PFKFB4: variants seen among roughly 807,000 people sequenced by gnomAD.
The protein encoded by PFKFB4 is 6-phosphofructo-2-kinase/fructose-2,6-bisphosphatase 4.
Under a neutral mutation model 62.8 loss-of-function variants are expected in PFKFB4, and 42 were observed. The ratio of observed to expected loss-of-function variants is 0.67; its 90% CI spans 0.52 to 0.86. The LOEUF is 0.86. PFKFB4 is among the 40% of genes least tolerant of loss of function. The pLI is 0.00. For synonymous variants in PFKFB4, 204 were observed against 240.7 expected (o/e 0.85, Z 1.41); for missense variants, 475 against 627.2 (o/e 0.76, Z 2.59).
chr3:48,557,395 C>T (rs1450123290), upstream of PFKFB4, among the ~76,000 whole-genome samples: 1 of 152,248 alleles, frequency 6.6e-6, no homozygotes, highest in East Asian at 1.9e-4. Context: ...CCCTTGACTG[C>T]TCCGAGCCCC....
chr3:48,530,700 G>C (rs868020482), intron 9 of PFKFB4, among the ~76,000 whole-genome samples: 38 of 152,190 alleles, frequency 2.5e-4, no homozygotes, highest in African/African-American at 8.7e-4. Context: ...GTTTTGTTTT[G>C]TTTTGTTTTC....
chr3:48,527,281 TG>T (rs2107478479), intron 9 of PFKFB4, among the ~76,000 whole-genome samples: 1 of 146,532 alleles, frequency 6.8e-6, no homozygotes, highest in Admixed American at 6.8e-5. Flanking sequence ...TAACATTTAG[TG>T]GTTTTTTTTT....
chr3:48,555,602 G>C (rs931482439), intron 1 of PFKFB4, among the ~76,000 whole-genome samples: 1 of 152,070 alleles, frequency 6.6e-6, no homozygotes, highest in Non-Finnish European at 1.5e-5. Flanking sequence ...TTCTTTTCCT[G>C]GTAATAAAAA....
intron 3 of PFKFB4, 95 bp from the exon 4 acceptor site, chr3:48,543,741 A>C (rs1275071901): frequency 1.1e-6 from 1 of 897,896 alleles, no homozygotes; most frequent in African/African-American, 1.6e-5. Flanking sequence ...TGACAGGAGA[A>C]GGAACAGCCC....
In PFKFB4 at chr3:48,529,668, T is replaced by C. The variant is rs551585100; in HGVS notation, c.988-3999A>G. The stretch of plus-strand genomic sequence containing the variant: ...TGAGCTACAAAATGAGTTATAAAAA[T>C]TGCTTACTTTTTTGAAAGAGATTAT... On this transcript the variant is annotated intron_variant, in intron 9 of 13. Coordinates refer to ENST00000232375, the MANE Select transcript of PFKFB4 (RefSeq NM_004567.4). 2.6e-4 allele frequency among the ~76,000 whole-genome samples: 39 copies of C among 152,254 alleles called. 1 individual carries two copies. Among genetic ancestry groups the C allele is most frequent in the Admixed American group, 2.0e-4 (3 of 15,288 alleles).
intron 7 of PFKFB4, chr3:48,536,801 C>A: frequency 3.2e-6 from 1 of 313,712 alleles, no homozygotes; most frequent in Non-Finnish European, 6.1e-6. Flanking sequence ...TGGCCTATCT[C>A]CGCACTCTCA....
chr3:48,546,189 C>T (rs759687450), intron 3 of PFKFB4, among the ~76,000 whole-genome samples: 13 of 152,142 alleles, frequency 8.5e-5, no homozygotes. Context: ...CAGGTGCACA[C>T]ACACGAGCGT....
intron 13 of PFKFB4, among the ~76,000 whole-genome samples, chr3:48,520,362 C>T (rs2107437529): frequency 6.6e-6 from 1 of 152,312 alleles, no homozygotes; most frequent in South Asian, 2.1e-4. Context: ...CCATCCTTGG[C>T]CTGTCGGGCT....
chr3:48,536,545 G>T, intron 7 of PFKFB4, 82 bp from the exon 8 acceptor site: 2 of 1,100,828 alleles, frequency 1.8e-6, no homozygotes, highest in African/African-American at 1.5e-5. Context: ...ACGGAATCTA[G>T]CTGCGAGGCC....
At chr3:48,539,182 G>A in intron 6 of PFKFB4, 72 bp downstream of exon 6, 1 of 1,194,210 alleles carries the variant, frequency 8.4e-7, no homozygotes, top group South Asian at 1.2e-5. Context: ...ATCAAATTAA[G>A]GTTAGCCAAA....
chr3:48,537,186 C>T (rs2042648167), intron 7 of PFKFB4, among the ~76,000 whole-genome samples: 1 of 152,184 alleles, frequency 6.6e-6, no homozygotes, highest in Admixed American at 6.5e-5. Context: ...GGCTGAGAGT[C>T]CTCTGGATAT....
intron 1 of PFKFB4, among the ~76,000 whole-genome samples, chr3:48,551,214 C>CT (rs773561800): frequency 0.022 from 2,908 of 135,058 alleles, 35 homozygotes; most frequent in Middle Eastern, 0.028. Context: ...GCTCACTTTT[C>CT]TTTTTTTTTT....
At chr3:48,527,166 T>G (rs1188421506) in intron 9 of PFKFB4, among the ~76,000 whole-genome samples, 1 of 152,110 alleles carries the variant, frequency 6.6e-6, no homozygotes, top group Non-Finnish European at 1.5e-5. Flanking sequence ...GATTTCAGAC[T>G]TCTAGCCTCC....
At chr3:48,525,215 C>T (rs773701626) in intron 10 of PFKFB4, among the ~76,000 whole-genome samples, 17 of 152,132 alleles carry the variant, frequency 1.1e-4, no homozygotes, top group Non-Finnish European at 2.4e-4. Context: ...CTACAGGGGT[C>T]CCAGGAAAGC....
At chr3:48,545,350 C>T (rs1397336856) in intron 3 of PFKFB4, among the ~76,000 whole-genome samples, 2 of 152,192 alleles carry the variant, frequency 1.3e-5, no homozygotes, top group Admixed American at 6.5e-5. Context: ...CCATGTGGGT[C>T]TTGAACTCCT....
At chr3:48,531,119 C>G (rs1434341379) in intron 9 of PFKFB4, among the ~76,000 whole-genome samples, 1 of 152,130 alleles carries the variant, frequency 6.6e-6, no homozygotes, top group East Asian at 1.9e-4. Context: ...GTAATCCCAG[C>G]ACTTTGGGAG....
intron 1 of PFKFB4, among the ~76,000 whole-genome samples, chr3:48,551,297 C>T (rs2043140632): frequency 1.3e-5 from 2 of 150,026 alleles, no homozygotes; most frequent in African/African-American, 4.9e-5. Flanking sequence ...CTCACTGCAA[C>T]CTCTGCCTCC....
chr3:48,529,333 T>C (rs547941495), intron 9 of PFKFB4, among the ~76,000 whole-genome samples: 12 of 152,246 alleles, frequency 7.9e-5, no homozygotes, highest in African/African-American at 2.4e-4. Context: ...AATGTTGGAA[T>C]AGAAGACAAG....
upstream of PFKFB4, among the ~76,000 whole-genome samples, chr3:48,557,785 C>G (rs2043366883): frequency 1.3e-5 from 2 of 152,204 alleles, no homozygotes; most frequent in African/African-American, 4.8e-5. Context: ...GATACGCCCT[C>G]CTCAGCCTTC....
Sources: allele counts gnomAD v4.1 joint callset (sites outside exome capture counted in the v4.1 genomes callset), GRCh38; gene constraint gnomAD v4.1.1; transcripts MANE v1.5; gene names NCBI Gene and HGNC (gene_info 2026-07-23, HGNC 2026-07-21).